PLEKHA5: variants seen among roughly 807,000 people sequenced by gnomAD.
The protein encoded by PLEKHA5 is pleckstrin homology domain containing A5, also known as pleckstrin homology domain-containing family A member 5.
PLEKHA5 carries 55 observed loss-of-function variants against 181.9 expected under a neutral mutation model. The ratio of observed to expected loss-of-function variants is 0.30; its 90% CI spans 0.24 to 0.38. The LOEUF (loss-of-function observed/expected upper bound fraction) is 0.38. Ranked by LOEUF, PLEKHA5 falls within the 10% of genes least tolerant of loss-of-function variation. The pLI is 1.00. For synonymous variants in PLEKHA5, 535 were observed against 529.4 expected, an observed-to-expected ratio of 1.01 and a Z score of -0.15; for missense variants, 1,432 against 1,549.5, an observed-to-expected ratio of 0.92 and a Z score of 1.27.
chr12:19,279,216 TATTC>T (rs2075400836), intron 11 of PLEKHA5, among the ~76,000 whole-genome samples: 1 of 152,172 alleles, frequency 6.6e-6, no homozygotes, highest in Non-Finnish European at 1.5e-5. Flanking sequence ...TTAAAAATAA[TATTC>T]ATATCGTGGC....
At chr12:19,327,937 G>A (rs1293559408) in intron 20 of PLEKHA5, among the ~76,000 whole-genome samples, 2 of 152,134 alleles carry the variant, frequency 1.3e-5, no homozygotes, top group Admixed American at 1.3e-4. Context: ...GAGCCACCAT[G>A]CCTGGCTAAA....
chr12:19,260,900 A>T, intron 6 of PLEKHA5, 49 bp from the exon 7 acceptor site: 1 of 1,064,892 alleles, frequency 9.4e-7, no homozygotes, highest in Non-Finnish European at 1.4e-6. Flanking sequence ...TGCACATGTG[A>T]GTTTTTGTTG....
intron 26 of PLEKHA5, among the ~76,000 whole-genome samples, chr12:19,356,269 C>A (rs2094923138): frequency 6.6e-6 from 1 of 152,034 alleles, no homozygotes; most frequent in South Asian, 2.1e-4. Flanking sequence ...AATTCCAGCA[C>A]TTTGGGAGGC....
At chr12:19,350,456 TAAGTA>T (rs1282732592) in intron 25 of PLEKHA5, among the ~76,000 whole-genome samples, 1 of 152,142 alleles carries the variant, frequency 6.6e-6, no homozygotes, top group Non-Finnish European at 1.5e-5. Context: ...AAAGGATCAC[TAAGTA>T]AAGTTTGAAA....
In PLEKHA5 at chr12:19,347,127, C is replaced by G; in HGVS notation, c.2843C>G (p.Pro948Arg). ...TATAGCAGGGGCCCAGTTCATCTGCCTGAAGAAAAGAAGATGTATCAAGTT... is the reference window on the plus strand; with the variant it reads ...TATAGCAGGGGCCCAGTTCATCTGCGTGAAGAAAAGAAGATGTATCAAGTT... ...LCYSRGPVHL[P>R]EEKKMYQVQG... is the part of the protein sequence containing the mutation. Residue 948 changes from proline (P) to arginine (R), a missense_variant, in exon 24 of 32, where the codon CCT becomes CGT. By Grantham distance (103) the Pro-to-Arg change is moderately radical. Coordinates refer to ENST00000429027, the MANE Select transcript of PLEKHA5 (RefSeq NM_001256470.2). The G allele has an allele frequency of 6.5e-7, 1 of 1,550,030 alleles. No homozygotes were observed. The highest frequency in any genetic ancestry group is 8.7e-7 in the Non-Finnish European group (1 of 1,145,826).
chr12:19,282,709 T>A (rs1015168801), intron 11 of PLEKHA5, among the ~76,000 whole-genome samples: 2 of 152,190 alleles, frequency 1.3e-5, no homozygotes, highest in Non-Finnish European at 2.9e-5. Flanking sequence ...ATTTTAAACA[T>A]TCTTATTTCT....
At chr12:19,305,953 G>A (rs369699024) in intron 15 of PLEKHA5, among the ~76,000 whole-genome samples, 4 of 150,638 alleles carry the variant, frequency 2.7e-5, no homozygotes, top group South Asian at 2.1e-4. Context: ...GGTGGCGCAC[G>A]CCTGTAATCC....
chr12:19,317,921 C>CTTTTTTTTT (rs71064082), intron 16 of PLEKHA5, among the ~76,000 whole-genome samples: 1 of 67,514 alleles, frequency 1.5e-5, no homozygotes, highest in Non-Finnish European at 2.8e-5. Context: ...CAAACCAAAC[C>CTTTTTTTTT]TTTTTTTTTT....
chr12:19,238,056 A>C (rs2061700999), intron 3 of PLEKHA5, among the ~76,000 whole-genome samples: 1 of 152,012 alleles, frequency 6.6e-6, no homozygotes, highest in African/African-American at 2.4e-5. Flanking sequence ...TGTGATTTCA[A>C]GGTCTTTTAG....
intron 20 of PLEKHA5, among the ~76,000 whole-genome samples, chr12:19,324,805 G>T (rs544219960): frequency 6.6e-6 from 1 of 152,320 alleles, no homozygotes; most frequent in Admixed American, 6.5e-5. Flanking sequence ...CCTGTGAGAG[G>T]ATAGAAAATG....
At chr12:19,157,425 G>A (rs1426715707) in intron 3 of PLEKHA5, among the ~76,000 whole-genome samples, 1 of 151,370 alleles carries the variant, frequency 6.6e-6, no homozygotes, top group East Asian at 1.9e-4. Context: ...CCATTTTGTA[G>A]GTCTGGTGCT....
intron 3 of PLEKHA5, among the ~76,000 whole-genome samples, chr12:19,162,387 A>T (rs2043164919): frequency 6.6e-6 from 1 of 152,160 alleles, no homozygotes; most frequent in Non-Finnish European, 1.5e-5. Context: ...GCACATCGAT[A>T]AATATTTATT....
At chr12:19,242,921 T>C (rs1402569258) in intron 3 of PLEKHA5, among the ~76,000 whole-genome samples, 1 of 152,202 alleles carries the variant, frequency 6.6e-6, no homozygotes, top group Non-Finnish European at 1.5e-5. Context: ...TTGGAGGTAA[T>C]TTTGTCTGAA....
At chr12:19,219,865 G>T (rs1565481546) in intron 3 of PLEKHA5, among the ~76,000 whole-genome samples, 1 of 151,876 alleles carries the variant, frequency 6.6e-6, no homozygotes, top group Non-Finnish European at 1.5e-5. Context: ...AACAATAGAA[G>T]TACCTTTCTG....
At chr12:19,181,005 A>G (rs2048422061) in intron 3 of PLEKHA5, among the ~76,000 whole-genome samples, 1 of 150,002 alleles carries the variant, frequency 6.7e-6, no homozygotes, top group Non-Finnish European at 1.5e-5. Context: ...AAAGTTTTAT[A>G]TGTTTCACAT....
Position 19,326,976 on chromosome 12 carries a change from T to C in PLEKHA5, c.2448+4309T>C, listed in dbSNP as rs574467745. 3.3e-5 allele frequency among the ~76,000 whole-genome samples: 5 copies of C among 152,342 alleles called. No homozygotes were observed. The East Asian group carries it at 7.7e-4, about 24-fold the overall frequency. On this transcript the variant is annotated intron_variant, in intron 20 of 31. Transcript: ENST00000429027. ...TTATCCAGTCCACCATTGATGGGCA[T>C]CTAGGTTGGTTCCATGTCTTTGCTA...
At chr12:19,195,619 G>A (rs935538756) in intron 3 of PLEKHA5, among the ~76,000 whole-genome samples, 15 of 148,190 alleles carry the variant, frequency 1.0e-4, no homozygotes, top group East Asian at 4.0e-4. Flanking sequence ...GCAGCAGTGC[G>A]CTGAGATTGC....
intron 13 of PLEKHA5, among the ~76,000 whole-genome samples, chr12:19,288,369 T>C (rs560121709): frequency 6.6e-6 from 1 of 152,352 alleles, no homozygotes; most frequent in East Asian, 1.9e-4. Flanking sequence ...CAGTGTTATG[T>C]TAATTGGAAA....
At chr12:19,344,145 C>T (rs189130108) in intron 22 of PLEKHA5, among the ~76,000 whole-genome samples, 1 of 152,086 alleles carries the variant, frequency 6.6e-6, no homozygotes, top group East Asian at 1.9e-4. Flanking sequence ...TGGTATGTGG[C>T]ACATGACTGA....
Sources: allele counts gnomAD v4.1 joint callset (sites outside exome capture counted in the v4.1 genomes callset), GRCh38; gene constraint gnomAD v4.1.1; transcripts MANE v1.5; gene names NCBI Gene and HGNC (gene_info 2026-07-23, HGNC 2026-07-21).